The following GRIN2D variants were observed in gnomAD, a reference collection of about 807,000 sequenced individuals.
The protein encoded by GRIN2D is glutamate receptor ionotropic, NMDA 2D.
In GRIN2D, 37 loss-of-function variants were observed where a neutral mutation model predicts 103.2. The ratio of observed to expected loss-of-function variants is 0.36; its 90% CI spans 0.28 to 0.47. The LOEUF (loss-of-function observed/expected upper bound fraction) is 0.47. Ranked by LOEUF, GRIN2D falls within the 20% of genes least tolerant of loss-of-function variation. The probability of loss-of-function intolerance (pLI) is 1.00; values close to 1 mark genes in which losing one functional copy is unlikely to be tolerated. For missense variants in GRIN2D, 1,557 were observed against 1,910.6 expected, an observed-to-expected ratio of 0.81 and a Z score of 3.45; for synonymous variants, 845 against 885.6, an observed-to-expected ratio of 0.95 and a Z score of 0.81.
In GRIN2D at chr19:48,414,248, G is replaced by T; in HGVS notation, c.1201-125G>T. 1 of 921,114 alleles carries T rather than the reference G, an allele frequency of 1.1e-6. No homozygotes were observed. The highest frequency in any genetic ancestry group is 1.7e-6 in the Non-Finnish European group (1 of 592,140). 57.1% of individuals were successfully genotyped at this position (921,114 alleles called of 1,614,324 possible). ...TGGGTCCTGGGATCTGAAGGTGGGA[G>T]GGGCTCCTGGGTCTTGGAAGAAGCT... On this transcript the variant is annotated intron_variant, in intron 5 of 13. Transcript: ENST00000263269. This position sits in a 1 kb window ranked among gnomAD's most constrained non-coding sequence, Gnocchi z 4.6.
intron 4 of GRIN2D, among the ~76,000 whole-genome samples, chr19:48,406,708 G>A (rs965481995): frequency 1.3e-5 from 2 of 152,196 alleles, no homozygotes; most frequent in Non-Finnish European, 2.9e-5. Context: ...TGGCAGACAG[G>A]GACAGGGATA....
Position 48,441,802 on chromosome 19 carries a change from G to A in GRIN2D, c.2286G>A (p.Val762=), listed in dbSNP as rs1237860058. 2 of 1,613,922 alleles carry A rather than the reference G, an allele frequency of 1.2e-6. No homozygotes were observed. The highest frequency in any genetic ancestry group is 1.7e-5 in the Admixed American group (1 of 60,026). Residue 762 remains valine (V), a synonymous_variant, in exon 12 of 14, where the codon GTG becomes GTA. Coordinates refer to ENST00000263269, the MANE Select transcript of GRIN2D (RefSeq NM_000836.4). ...KLDAFIYDAA[V]LNYMARKDEG... ...ACGCCTTCATCTACGATGCTGCAGT[G>A]CTCAATTACATGGCCCGCAAGGACG...
rs375379209 is a variant in GRIN2D, at chr19:48,401,172, C to A, written c.465+2315C>A. On this transcript the variant is annotated intron_variant, in intron 3 of 13. Coordinates refer to ENST00000263269, the MANE Select transcript of GRIN2D (RefSeq NM_000836.4). Reference sequence around the variant, plus strand: ...TGCGCCTAGGGAGAAAGCCCACTTGCTGTTCTCATTGCATTACAGGAAGAT... The same window carrying A: ...TGCGCCTAGGGAGAAAGCCCACTTGATGTTCTCATTGCATTACAGGAAGAT... Among the ~76,000 whole-genome samples, 8 of 151,868 alleles carry A rather than the reference C, an allele frequency of 5.3e-5. No homozygotes were observed. In the South Asian group the frequency reaches 1.7e-3, roughly 32 times the overall value.
chr19:48,402,912 A>C (rs574514034), intron 3 of GRIN2D, among the ~76,000 whole-genome samples: 4 of 150,986 alleles, frequency 2.6e-5, no homozygotes, highest in Admixed American at 6.6e-5. Context: ...AAAAAGGAGG[A>C]TAGGGGCCAG....
At position 48,421,730 on chromosome 19, in the gene GRIN2D, TA is replaced by T; in HGVS notation, c.2092-54del. On this transcript the variant is annotated intron_variant, in intron 10 of 13. Transcript: ENST00000263269. The surrounding 1 kb of genome is among the most constrained non-coding windows in gnomAD (Gnocchi z 4.8). The stretch of plus-strand genomic sequence containing the variant: ...CGGGTGTGTCTCAGAATGGGTGATT[TA>T]TGTTAGGGATGTCCCTGCGGAGGGT... The T allele has an allele frequency of 6.7e-7, 1 of 1,493,736 alleles. No individual in the cohort carries two copies. Among genetic ancestry groups the T allele is most frequent in the Non-Finnish European group, 9.3e-7 (1 of 1,080,974 alleles). The allele number at this position is 1,493,736 out of a possible 1,614,324, so 92.5% of individuals were successfully genotyped here.
chr19:48,410,527 CAAAAAAAAAAAAA>C (rs4009666), intron 4 of GRIN2D, among the ~76,000 whole-genome samples: 2 of 45,422 alleles, frequency 4.4e-5, no homozygotes, highest in Non-Finnish European at 7.7e-5. Context: ...GACTCTGACT[CAAAAAAAAAAAAA>C]AAAAAAAAAA....
intron 11 of GRIN2D, among the ~76,000 whole-genome samples, chr19:48,439,298 T>C (rs1971265518): frequency 6.6e-6 from 1 of 151,990 alleles, no homozygotes; most frequent in Non-Finnish European, 1.5e-5. Flanking sequence ...CATCCTTACC[T>C]GTCAGAGCAT....
chr19:48,415,889 T>C, intron 7 of GRIN2D, 113 bp from the exon 8 acceptor site: 2 of 918,392 alleles, frequency 2.2e-6, no homozygotes, highest in South Asian at 2.7e-5. Context: ...TCTTGGCCCC[T>C]TCCCTCACCC....
At chr19:48,434,627 TCTCA>T (rs1440931246) in intron 11 of GRIN2D, among the ~76,000 whole-genome samples, 1 of 151,852 alleles carries the variant, frequency 6.6e-6, no homozygotes. Flanking sequence ...TTACAGATGG[TCTCA>T]CTATGTTGCC....
At chr19:48,436,486 G>A (rs534996197) in intron 11 of GRIN2D, among the ~76,000 whole-genome samples, 2 of 152,132 alleles carry the variant, frequency 1.3e-5, no homozygotes, top group Non-Finnish European at 2.9e-5. Context: ...AGGCTGCATG[G>A]CCCCTAACCT....
At chr19:48,434,123 T>C (rs1016429425) in intron 11 of GRIN2D, among the ~76,000 whole-genome samples, 2 of 151,878 alleles carry the variant, frequency 1.3e-5, no homozygotes, top group Admixed American at 6.6e-5. Flanking sequence ...TAATTTTTTG[T>C]ATTTTTTTAG....
intron 3 of GRIN2D, among the ~76,000 whole-genome samples, chr19:48,404,197 G>A (rs1399244254): frequency 6.7e-6 from 1 of 149,834 alleles, no homozygotes; most frequent in African/African-American, 2.5e-5. Flanking sequence ...CCGAGATTGT[G>A]CCATTGCACT....
intron 11 of GRIN2D, among the ~76,000 whole-genome samples, chr19:48,436,374 C>T (rs778848550): frequency 3.3e-5 from 5 of 151,996 alleles, no homozygotes; most frequent in African/African-American, 7.3e-5. Context: ...GTCTGGGTGG[C>T]GTCAGCTGAT....
chr19:48,406,836 A>T (rs1389602339), intron 4 of GRIN2D, among the ~76,000 whole-genome samples: 1 of 152,118 alleles, frequency 6.6e-6, no homozygotes, highest in Non-Finnish European at 1.5e-5. Flanking sequence ...GTCTCACTGG[A>T]GTTTCCTTAG....
At chr19:48,426,224 C>CTTTTTTTTTTTTTTCTTTTTTTT (rs1555893888) in intron 11 of GRIN2D, among the ~76,000 whole-genome samples, 4 of 120,116 alleles carry the variant, frequency 3.3e-5, no homozygotes, top group African/African-American at 7.2e-5. Context: ...TTCTTTCTTT[C>CTTTTTTTTTTTTTTCTTTTTTTT]TTTTTTTTTT....
intron 11 of GRIN2D, among the ~76,000 whole-genome samples, chr19:48,432,087 T>C (rs1270738626): frequency 6.6e-6 from 1 of 151,400 alleles, no homozygotes; most frequent in Non-Finnish European, 1.5e-5. Context: ...AATTTTTGTA[T>C]TTTTAGTAGA....
intron 3 of GRIN2D, among the ~76,000 whole-genome samples, chr19:48,399,445 G>A (rs1254128967): frequency 2.6e-5 from 4 of 152,168 alleles, no homozygotes; most frequent in African/African-American, 4.8e-5. Flanking sequence ...GCGGGCGCCT[G>A]TAATCCCAAC....
chr19:48,398,915 G>A (rs1181014775), intron 3 of GRIN2D, 58 bp downstream of exon 3: 27 of 1,277,520 alleles, frequency 2.1e-5, no homozygotes, highest in Non-Finnish European at 2.7e-5. Context: ...CCGCTGAGGG[G>A]CGGGACTGGG....
intron 3 of GRIN2D, among the ~76,000 whole-genome samples, chr19:48,399,982 G>T (rs749843358): frequency 6.6e-6 from 1 of 152,086 alleles, no homozygotes; most frequent in Non-Finnish European, 1.5e-5. Context: ...GGCATACCCC[G>T]CTGTGAGGTG....
Sources: gnomAD v4.1 joint callset for allele counts (sites outside exome capture counted in the v4.1 genomes callset) on GRCh38, gnomAD v4.1.1 for gene constraint, Gnocchi (gnomAD v3.1) non-coding constraint, MANE v1.5 for transcripts, NCBI Gene and HGNC (gene_info 2026-07-23, HGNC 2026-07-21) for gene names.